TACR3: variants seen among roughly 807,000 people sequenced by gnomAD.
TACR3 encodes the protein neuromedin-K receptor.
TACR3 carries 34 observed loss-of-function variants against 35.0 expected under a neutral mutation model. That is an observed-to-expected ratio of 0.97 (90% CI 0.74 to 1.30). The LOEUF (loss-of-function observed/expected upper bound fraction) is 1.30. Among genes scored for constraint, TACR3 ranks in the 50% most tolerant of loss-of-function variants. The pLI, the probability that TACR3 is intolerant of heterozygous loss-of-function variation, is 0.00. For synonymous variants in TACR3, 233 were observed against 221.1 expected, an observed-to-expected ratio of 1.05 and a Z score of -0.48; for missense variants, 558 against 591.7, an observed-to-expected ratio of 0.94 and a Z score of 0.59.
At chr4:103,707,727 G>C (rs551366013) in intron 1 of TACR3, among the ~76,000 whole-genome samples, 6 of 152,254 alleles carry the variant, frequency 3.9e-5, no homozygotes, top group African/African-American at 1.4e-4. Context: ...GGAAGCACAA[G>C]GGGTCAGGGA....
At position 103,719,444 on chromosome 4, in the gene TACR3, A is replaced by C. The variant is rs767694452; in HGVS notation, c.232T>G (p.Phe78Val). 6.2e-7 allele frequency: 1 copy of C among 1,614,150 alleles called. No individual in the cohort carries two copies. The highest frequency in any genetic ancestry group is 8.5e-7 in the Non-Finnish European group (1 of 1,180,048). The change falls in exon 1 of 5, where the codon TTC becomes GTC. Residue 78 changes from phenylalanine (F) to valine (V), a missense_variant. By Grantham distance (50) the Phe-to-Val change is conservative. Transcript: ENST00000304883. Reference protein sequence around the residue: ...SQPWANLTNQFVQPSWRIALW... With the variant: ...SQPWANLTNQVVQPSWRIALW... ...GCGATGCGCCAGGACGGCTGCACGAACTGGTTGGTGAGGTTGGCCCAGGGC... is the reference window on the plus strand; with the variant it reads ...GCGATGCGCCAGGACGGCTGCACGACCTGGTTGGTGAGGTTGGCCCAGGGC...
chr4:103,649,154 T>C (rs918116385), intron 3 of TACR3, among the ~76,000 whole-genome samples: 7 of 152,076 alleles, frequency 4.6e-5, no homozygotes, highest in African/African-American at 1.4e-4. Context: ...TCCTAGAGAG[T>C]TGTTTGAGTT....
chr4:103,618,564 C>CTTTTTTTTTTTTTTTTTTTTTT (rs57837921), intron 3 of TACR3, among the ~76,000 whole-genome samples: 3 of 61,452 alleles, frequency 4.9e-5, no homozygotes, highest in African/African-American at 2.7e-4. Flanking sequence ...GTGACTTGGG[C>CTTTTTTTTTTTTTTTTTTTTTT]TTTTTTTTTT....
rs779148796 is a variant in TACR3 at position 103,719,210 on chromosome 4, T to G, written c.466A>C (p.Asn156His). The G allele has an allele frequency of 1.9e-6, 3 of 1,614,166 alleles. No individual in the cohort carries two copies. Among genetic ancestry groups the G allele is most frequent in the Non-Finnish European group, 8.5e-7 (1 of 1,180,034 alleles). Residue 156 changes from asparagine to histidine, a missense_variant, in exon 1 of 5, where the codon AAC becomes CAC. By Grantham distance (68) the Asn-to-His change is moderately conservative. Coordinates refer to ENST00000304883, the MANE Select transcript of TACR3 (RefSeq NM_001059.3). Reference protein sequence around the residue: ...ALHSEWYFGANYCRFQNFFPI... With the variant: ...ALHSEWYFGAHYCRFQNFFPI... Reference sequence around the variant, plus strand: ...AAGAAGTTCTGGAAGCGGCAGTAGTTGGCGCCAAAGTACCACTCGCTATGA... The same window carrying G: ...AAGAAGTTCTGGAAGCGGCAGTAGTGGGCGCCAAAGTACCACTCGCTATGA...
chr4:103,710,164 AC>A (rs1356286392), intron 1 of TACR3, among the ~76,000 whole-genome samples: 1 of 152,190 alleles, frequency 6.6e-6, no homozygotes, highest in Non-Finnish European at 1.5e-5. Context: ...GACCTAATAG[AC>A]ATCTACAGAA....
chr4:103,702,030 A>G (rs1474672526), intron 1 of TACR3, among the ~76,000 whole-genome samples: 1 of 152,232 alleles, frequency 6.6e-6, no homozygotes, highest in African/African-American at 2.4e-5. Context: ...CAATGGCAAC[A>G]AAAGCCAAAA....
intron 3 of TACR3, among the ~76,000 whole-genome samples, chr4:103,628,100 GA>G (rs1724948254): frequency 6.6e-6 from 1 of 152,094 alleles, no homozygotes. Context: ...AAACTAATGA[GA>G]AAAAAGACAC....
At chr4:103,711,633 G>A (rs1291457061) in intron 1 of TACR3, among the ~76,000 whole-genome samples, 1 of 152,132 alleles carries the variant, frequency 6.6e-6, no homozygotes, top group East Asian at 1.9e-4. Context: ...AATGTTGGAA[G>A]TTCTGGCCAG....
chr4:103,611,642 G>A lies in TACR3; in HGVS notation c.889-19959C>T, dbSNP rs1280645687. Reference sequence around the variant, plus strand: ...TCAATTATAGTTAAACTGTCTAGTAGACAAGCATTTCCTTTTTTTTAACAC... The same window carrying A: ...TCAATTATAGTTAAACTGTCTAGTAAACAAGCATTTCCTTTTTTTTAACAC... On this transcript the variant is annotated intron_variant, in intron 3 of 4. Coordinates refer to ENST00000304883, the MANE Select transcript of TACR3 (RefSeq NM_001059.3). 2.5e-5 allele frequency among the ~76,000 whole-genome samples: 3 copies of A among 118,066 alleles called. No individual in the cohort carries two copies. The Admixed American group carries it at 2.8e-4, about 11-fold the overall frequency. 77.5% of individuals were successfully genotyped at this position (118,066 alleles called of 152,430 possible).
At chr4:103,633,320 T>C (rs1348198817) in intron 3 of TACR3, among the ~76,000 whole-genome samples, 1 of 152,092 alleles carries the variant, frequency 6.6e-6, no homozygotes, top group Non-Finnish European at 1.5e-5. Flanking sequence ...AAGAAATGCA[T>C]GTAGATTTTG....
At chr4:103,635,435 C>T (rs1191425349) in intron 3 of TACR3, among the ~76,000 whole-genome samples, 2 of 151,906 alleles carry the variant, frequency 1.3e-5, no homozygotes, top group African/African-American at 2.4e-5. Flanking sequence ...CATCTTCCCA[C>T]CCCTACCCCT....
At chr4:103,621,741 T>TATTA (rs1465596648) in intron 3 of TACR3, among the ~76,000 whole-genome samples, 1 of 152,050 alleles carries the variant, frequency 6.6e-6, no homozygotes, top group Non-Finnish European at 1.5e-5. Context: ...GAGCAAAAAT[T>TATTA]ATTATTTAGT....
intron 3 of TACR3, among the ~76,000 whole-genome samples, chr4:103,640,049 T>C (rs1725317694): frequency 6.6e-6 from 1 of 152,018 alleles, no homozygotes; most frequent in South Asian, 2.1e-4. Flanking sequence ...CATTAGGAAC[T>C]AGAGACTTTG....
intron 2 of TACR3, among the ~76,000 whole-genome samples, chr4:103,656,583 G>T (rs1725739031): frequency 6.6e-6 from 1 of 152,068 alleles, no homozygotes; most frequent in Non-Finnish European, 1.5e-5. Context: ...TAGCTGGGTT[G>T]AAGGGCTCAG....
chr4:103,693,666 TTC>T lies in TACR3; in HGVS notation c.548+25460_548+25461del, dbSNP rs1181576468. On this transcript the variant is annotated intron_variant, in intron 1 of 4. Transcript: ENST00000304883. ...AACTAATTTTAAGGTAAAATATTAA[TTC>T]TGTCTTTCATTTAATCATAAATACT... Among the ~76,000 whole-genome samples the T allele has an allele frequency of 2.6e-5, 4 of 152,260 alleles. No individual in the cohort carries two copies. In the South Asian group the frequency reaches 6.2e-4, roughly 24 times the overall value.
chr4:103,639,450 G>T (rs1024367943), intron 3 of TACR3, among the ~76,000 whole-genome samples: 3 of 152,018 alleles, frequency 2.0e-5, no homozygotes, highest in Non-Finnish European at 4.4e-5. Context: ...GTGGGGTGGG[G>T]AGAGGGGGGA....
intron 1 of TACR3, among the ~76,000 whole-genome samples, chr4:103,681,492 T>C (rs1251589117): frequency 6.6e-6 from 1 of 152,090 alleles, no homozygotes; most frequent in Non-Finnish European, 1.5e-5. Context: ...AGATCTACCA[T>C]GTACATCAAG....
chr4:103,666,730 A>G (rs1247463084), intron 1 of TACR3, among the ~76,000 whole-genome samples: 1 of 152,236 alleles, frequency 6.6e-6, no homozygotes, highest in Non-Finnish European at 1.5e-5. Flanking sequence ...TAGTGGCAAT[A>G]TAAAACTTGC....
chr4:103,634,854 G>C (rs958580895), intron 3 of TACR3, among the ~76,000 whole-genome samples: 1 of 152,004 alleles, frequency 6.6e-6, no homozygotes, highest in Non-Finnish European at 1.5e-5. Flanking sequence ...TTCACCTTTA[G>C]TTTCTCTAGC....
Sources: allele counts gnomAD v4.1 joint callset (sites outside exome capture counted in the v4.1 genomes callset), GRCh38; gene constraint gnomAD v4.1.1; transcripts MANE v1.5; gene names NCBI Gene and HGNC (gene_info 2026-07-23, HGNC 2026-07-21).